Variants in TBC1D5 observed in about 807,000 individuals in gnomAD.
The protein encoded by TBC1D5 is TBC1 domain family member 5.
Under a neutral mutation model 100.3 loss-of-function variants are expected in TBC1D5, and 75 were observed. That is an observed-to-expected ratio of 0.75 (90% CI 0.62 to 0.91). The LOEUF (loss-of-function observed/expected upper bound fraction) is 0.91, where lower values mean the gene tolerates loss of function less well. Among genes scored for constraint, TBC1D5 ranks in the 40% least tolerant of loss-of-function variants. The pLI, the probability that TBC1D5 is intolerant of heterozygous loss-of-function variation, is 0.00. For synonymous variants in TBC1D5, 323 were observed against 325.6 expected (o/e 0.99, Z 0.09); for missense variants, 910 against 942.4 (o/e 0.97, Z 0.45).
intron 1 of TBC1D5, among the ~76,000 whole-genome samples, chr3:17,693,668 A>G (rs1261142127): frequency 6.6e-6 from 1 of 152,212 alleles, no homozygotes; most frequent in African/African-American, 2.4e-5. Flanking sequence ...GCTGGACAAA[A>G]GGCAGCAGAC....
intron 2 of TBC1D5, among the ~76,000 whole-genome samples, chr3:17,614,892 T>C (rs2062013838): frequency 6.6e-6 from 1 of 152,232 alleles, no homozygotes; most frequent in South Asian, 2.1e-4. Context: ...TCTTGCCTGA[T>C]TGCCCTGGCC....
intron 9 of TBC1D5, among the ~76,000 whole-genome samples, chr3:17,381,744 G>GC (rs2092953849): frequency 6.6e-6 from 1 of 151,882 alleles, no homozygotes; most frequent in Non-Finnish European, 1.5e-5. Context: ...TACCTTGCTT[G>GC]CGAGGGCCTT....
At chr3:17,251,172 C>T (rs770080922) in intron 16 of TBC1D5, among the ~76,000 whole-genome samples, 3 of 151,924 alleles carry the variant, frequency 2.0e-5, no homozygotes, top group Non-Finnish European at 4.4e-5. Context: ...TATTCCCTGG[C>T]GATTTGTTCA....
intron 8 of TBC1D5, among the ~76,000 whole-genome samples, chr3:17,390,712 C>A (rs185702214): frequency 6.6e-6 from 1 of 152,188 alleles, no homozygotes; most frequent in Admixed American, 6.5e-5. Context: ...ATACTATTAA[C>A]CACCAAAATA....
chr3:17,477,776 T>C (rs2095455917), intron 3 of TBC1D5, among the ~76,000 whole-genome samples: 1 of 152,110 alleles, frequency 6.6e-6, no homozygotes, highest in Non-Finnish European at 1.5e-5. Context: ...CTATATTGTT[T>C]AACAAGTTTA....
chr3:17,665,023 C>T (rs919858279), intron 1 of TBC1D5: 30 of 98,700 alleles, frequency 3.0e-4, no homozygotes, highest in African/African-American at 1.0e-3. Flanking sequence ...CCGGAAAGCC[C>T]CGCTATTTAA....
chr3:17,214,238 G>A, exon 18 of TBC1D5: 1 of 1,613,258 alleles, frequency 6.2e-7, no homozygotes, highest in Admixed American at 1.7e-5. Context: ...TTTGCTGTGT[G>A]AGCGAGAACG....
At chr3:17,715,891 T>A (rs1168801640) in intron 1 of TBC1D5, among the ~76,000 whole-genome samples, 1 of 151,952 alleles carries the variant, frequency 6.6e-6, no homozygotes, top group East Asian at 1.9e-4. Context: ...ACCCCATCTC[T>A]ACTAAAAATA....
At chr3:17,657,944 C>T (rs935375954) in intron 1 of TBC1D5, among the ~76,000 whole-genome samples, 6 of 152,150 alleles carry the variant, frequency 3.9e-5, no homozygotes, top group Non-Finnish European at 7.4e-5. Flanking sequence ...TGTCAGATCA[C>T]GTATAGGATG....
chr3:17,585,972 G>T (rs115692052), intron 2 of TBC1D5, among the ~76,000 whole-genome samples: 1 of 152,134 alleles, frequency 6.6e-6, no homozygotes, highest in Non-Finnish European at 1.5e-5. Context: ...TGGGGGAGTG[G>T]GGAGTGGAGA....
intron 14 of TBC1D5, among the ~76,000 whole-genome samples, chr3:17,303,583 G>A (rs1404288354): frequency 6.6e-6 from 1 of 152,000 alleles, no homozygotes. Context: ...TCCCCTTCAC[G>A]TACTCCAACC....
chr3:17,393,772 T>G (rs1305975947), intron 8 of TBC1D5, among the ~76,000 whole-genome samples: 1 of 152,130 alleles, frequency 6.6e-6, no homozygotes, highest in Non-Finnish European at 1.5e-5. Flanking sequence ...GCTAGCTATA[T>G]GCAGAAAACT....
intron 1 of TBC1D5, among the ~76,000 whole-genome samples, chr3:17,637,014 A>C (rs1276106522): frequency 6.6e-6 from 1 of 150,908 alleles, no homozygotes; most frequent in Non-Finnish European, 1.5e-5. Context: ...CTAAGAAATA[A>C]AATCATTTAT....
chr3:17,593,835 A>G (rs1340375426), intron 2 of TBC1D5, among the ~76,000 whole-genome samples: 1 of 152,204 alleles, frequency 6.6e-6, no homozygotes, highest in Non-Finnish European at 1.5e-5. Flanking sequence ...CTAGGTGACA[A>G]TACTTTGCAA....
intron 13 of TBC1D5, among the ~76,000 whole-genome samples, chr3:17,311,518 T>G (rs2084028007): frequency 6.6e-6 from 1 of 152,022 alleles, no homozygotes; most frequent in Non-Finnish European, 1.5e-5. Context: ...GAACAGTAAC[T>G]ACTGTTGGTG....
intron 19 of TBC1D5, among the ~76,000 whole-genome samples, chr3:17,174,786 G>T (rs986313975): frequency 6.6e-6 from 1 of 152,116 alleles, no homozygotes; most frequent in East Asian, 1.9e-4. Flanking sequence ...TAGAGACAGG[G>T]TTTCACCATG....
chr3:17,628,302 G>A lies in TBC1D5; in HGVS notation c.-100-4389C>T, dbSNP rs372423895. Among the ~76,000 whole-genome samples, 155 of 151,936 alleles carry A rather than the reference G, an allele frequency of 1.0e-3. 3 individuals are homozygous for A. The South Asian group carries it at 0.019, about 18-fold the overall frequency. ...GGGAACTGCTAGAACCCAGGAGGTA[G>A]AGGCTGCAGTGAAGCCAAGATCACG... On this transcript the variant is annotated intron_variant, in intron 1 of 21. Transcript: ENST00000253692.
At chr3:17,685,229 G>A (rs528714698) in intron 1 of TBC1D5, among the ~76,000 whole-genome samples, 17 of 151,752 alleles carry the variant, frequency 1.1e-4, no homozygotes, top group Non-Finnish European at 1.8e-4. Context: ...GCATTGCAAT[G>A]ACTATACTTT....
intron 2 of TBC1D5, among the ~76,000 whole-genome samples, chr3:17,583,088 C>T (rs1396121736): frequency 6.6e-6 from 1 of 152,022 alleles, no homozygotes; most frequent in South Asian, 2.1e-4. Context: ...AGTTCAAGAC[C>T]AGCCTGGGCA....
Sources: allele counts gnomAD v4.1 joint callset (sites outside exome capture counted in the v4.1 genomes callset), GRCh38; gene constraint gnomAD v4.1.1; transcripts MANE v1.5; gene names NCBI Gene and HGNC (gene_info 2026-07-23, HGNC 2026-07-21).